Variants in HNRNPM observed in about 807,000 individuals in gnomAD.
HNRNPM encodes the protein CEA receptor.
HNRNPM carries 11 observed loss-of-function variants against 73.1 expected under a neutral mutation model. The ratio of observed to expected loss-of-function variants is 0.15; its 90% CI spans 0.09 to 0.25. The LOEUF (loss-of-function observed/expected upper bound fraction) is 0.25. HNRNPM is among the 10% of genes least tolerant of loss of function. The pLI is 1.00. For missense variants in HNRNPM, 789 were observed against 1,067.9 expected (o/e 0.74, Z 3.64); for synonymous variants, 407 against 355.2 (o/e 1.15, Z -1.64).
intron 12 of HNRNPM, among the ~76,000 whole-genome samples, chr19:8,478,717 T>C (rs1414304893): frequency 6.6e-6 from 1 of 152,228 alleles, no homozygotes; most frequent in Admixed American, 6.5e-5. Flanking sequence ...TTTTAAAAAA[T>C]TGGCATAAGG....
At chr19:8,485,559 C>CT in intron 13 of HNRNPM, 44 bp from the exon 14 acceptor site, 1 of 1,566,814 alleles carries the variant, frequency 6.4e-7, no homozygotes, top group African/African-American at 1.3e-5. Context: ...CACACGCACA[C>CT]TCAAGTTCTT....
chr19:8,475,897 A>ATC (rs1361549540), intron 12 of HNRNPM, among the ~76,000 whole-genome samples: 24 of 116,524 alleles, frequency 2.1e-4, no homozygotes, highest in Admixed American at 3.3e-4. Flanking sequence ...GCGAAACCCC[A>ATC]TCTCTCTCTT....
intron 1 of HNRNPM, among the ~76,000 whole-genome samples, chr19:8,453,083 G>A (rs776926583): frequency 6.6e-6 from 1 of 152,026 alleles, no homozygotes; most frequent in Non-Finnish European, 1.5e-5. Context: ...CTCCTGCCTT[G>A]ACCTCCCAAA....
intron 10 of HNRNPM, among the ~76,000 whole-genome samples, chr19:8,471,920 C>T (rs573740988): frequency 2.8e-4 from 42 of 152,262 alleles, no homozygotes; most frequent in Middle Eastern, 3.4e-3. Flanking sequence ...CGCCTGTAAT[C>T]CCAGCACTTT....
chr19:8,482,989 C>G (rs533182854), intron 12 of HNRNPM, 169 bp from the exon 13 acceptor site: 9 of 595,292 alleles, frequency 1.5e-5, no homozygotes, highest in Non-Finnish European at 2.7e-5. Context: ...ATCAAGGACT[C>G]TCCTAGTTCT....
chr19:8,469,692 G>T (rs1467283958), intron 9 of HNRNPM, among the ~76,000 whole-genome samples: 1 of 152,186 alleles, frequency 6.6e-6, no homozygotes, highest in East Asian at 1.9e-4. Flanking sequence ...GACGACTCAG[G>T]GAATCACTGG....
intron 10 of HNRNPM, among the ~76,000 whole-genome samples, chr19:8,472,928 T>C (rs1442459811): frequency 6.6e-6 from 1 of 152,222 alleles, no homozygotes; most frequent in Non-Finnish European, 1.5e-5. Context: ...CCTAAAATTT[T>C]CTAAAAAGTT....
chr19:8,464,617 A>G (rs1456534473), intron 5 of HNRNPM, among the ~76,000 whole-genome samples: 1 of 152,188 alleles, frequency 6.6e-6, no homozygotes, highest in African/African-American at 2.4e-5. Flanking sequence ...GGGCAGTAAG[A>G]GCAAAGCTCT....
chr19:8,449,394 G>A (rs1212983475), intron 1 of HNRNPM, among the ~76,000 whole-genome samples: 1 of 152,154 alleles, frequency 6.6e-6, no homozygotes, highest in African/African-American at 2.4e-5. Context: ...TGATGCCTAG[G>A]TTTTCTCAGC....
At position 8,476,088 on chromosome 19, in the gene HNRNPM, G is replaced by T. The variant is rs1970485554; in HGVS notation, c.1120+1844G>T. 2.0e-5 allele frequency among the ~76,000 whole-genome samples: 3 copies of T among 152,066 alleles called. No homozygotes were observed. The South Asian group carries it at 6.2e-4, about 32-fold the overall frequency. The stretch of plus-strand genomic sequence containing the variant: ...CTGGCAGGTGTAATCTCGCAGTCAG[G>T]ATTCAGAGCCTGGGGTACGCGGTGG... On this transcript the variant is annotated intron_variant, in intron 12 of 15. Transcript: ENST00000325495.
chr19:8,451,906 T>G (rs552804808), intron 1 of HNRNPM, among the ~76,000 whole-genome samples: 1 of 152,294 alleles, frequency 6.6e-6, no homozygotes, highest in Admixed American at 6.5e-5. Context: ...TAGTTGGTGG[T>G]GGTAGATTTC....
rs1369933797 is a variant in HNRNPM at position 8,462,120 on chromosome 19, C to G, written c.284-409C>G. 5.1e-6 allele frequency: 1 copy of G among 196,430 alleles called. No individual in the cohort carries two copies. The highest frequency in any genetic ancestry group is 1.1e-5 in the Non-Finnish European group (1 of 93,484). 12.2% of individuals were successfully genotyped at this position (196,430 alleles called of 1,614,324 possible). A position where few individuals can be genotyped will look rare whatever the true frequency, so the allele number is the denominator to read the frequency against. Reference sequence around the variant, plus strand: ...GTATTTATAGCATGTGAGCTCAGCCCGATGGCATCGCAATTTGTATGCATT... The same window carrying G: ...GTATTTATAGCATGTGAGCTCAGCCGGATGGCATCGCAATTTGTATGCATT... On this transcript the variant is annotated intron_variant, in intron 2 of 15. Transcript: ENST00000325495. The surrounding 1 kb of genome is among the most constrained non-coding windows in gnomAD (Gnocchi z 4.5).
At chr19:8,478,472 G>A (rs563971228) in intron 12 of HNRNPM, among the ~76,000 whole-genome samples, 45 of 152,280 alleles carry the variant, frequency 3.0e-4, no homozygotes, top group African/African-American at 1.1e-3. Flanking sequence ...GCTTTGGAGA[G>A]CCTCTTGGCA....
intron 11 of HNRNPM, 151 bp from the exon 12 acceptor site, chr19:8,474,016 G>A: frequency 1.7e-6 from 1 of 603,264 alleles, no homozygotes; most frequent in East Asian, 3.0e-5. Context: ...AAACAAGGGT[G>A]CTAGCATTTT....
At chr19:8,488,436 T>C (rs1309764734) in intron 15 of HNRNPM, 3 of 416,042 alleles carry the variant, frequency 7.2e-6, no homozygotes, top group Admixed American at 3.8e-5. Flanking sequence ...GGCTTTACAC[T>C]GCGCCTTCTT....
Position 8,468,791 on chromosome 19 carries a change from A to C in HNRNPM, c.852A>C (p.Pro284=). Reference sequence around the variant, plus strand: ...TCTTTCAGGATGAGAGGGCCTTACCAAAAGGAGATTTCTTCCCTCCTGAGC... The same window carrying C: ...TCTTTCAGGATGAGAGGGCCTTACCCAAAGGAGATTTCTTCCCTCCTGAGC... The part of the protein sequence containing the change: ...MHVKMDERAL[P]KGDFFPPERP... Residue 284 remains proline (P), a synonymous_variant, in exon 9 of 16, where the codon CCA becomes CCC. Transcript: ENST00000325495. The C allele has an allele frequency of 6.2e-7, 1 of 1,613,776 alleles. No individual in the cohort carries two copies. Among genetic ancestry groups the C allele is most frequent in the South Asian group, 1.1e-5 (1 of 91,074 alleles).
intron 12 of HNRNPM, chr19:8,481,679 G>C (rs1970926153): frequency 2.0e-5 from 3 of 152,214 alleles, no homozygotes; most frequent in African/African-American, 7.2e-5. Context: ...CTTATTACTA[G>C]AGACAGAAAC....
rs1971365819 is a variant in HNRNPM at position 8,487,085 on chromosome 19, G to C, written c.2029+10G>C. On this transcript the variant is annotated intron_variant, in intron 15 of 15. Coordinates refer to ENST00000325495, the MANE Select transcript of HNRNPM (RefSeq NM_005968.5). The stretch of plus-strand genomic sequence containing the variant: ...AAATTCAACGAGTGCGGTAAGTGTT[G>C]GGAACGGCTTTGTAGGTGCTTCCCT... 1 of 1,611,642 alleles carries C rather than the reference G, an allele frequency of 6.2e-7. No individual in the cohort carries two copies. Among genetic ancestry groups the C allele is most frequent in the Admixed American group, 1.7e-5 (1 of 60,022 alleles).
At chr19:8,487,770 G>A (rs1385573560) in intron 15 of HNRNPM, 2 of 152,508 alleles carry the variant, frequency 1.3e-5, no homozygotes, top group East Asian at 3.8e-4. Flanking sequence ...GCTTCTCCAT[G>A]GTTCTTGGGG....
Sources: gnomAD v4.1 joint callset for allele counts (sites outside exome capture counted in the v4.1 genomes callset) on GRCh38, gnomAD v4.1.1 for gene constraint, Gnocchi (gnomAD v3.1) non-coding constraint, MANE v1.5 for transcripts, NCBI Gene and HGNC (gene_info 2026-07-23, HGNC 2026-07-21) for gene names.